Variants in FIG4 observed in about 807,000 individuals in gnomAD.
The protein encoded by FIG4 is FIG4 phosphoinositide 5-phosphatase, also known as polyphosphoinositide phosphatase.
Under a neutral mutation model 118.6 loss-of-function variants are expected in FIG4, and 112 were observed. That is an observed-to-expected ratio of 0.94 (90% CI 0.81 to 1.11). FIG4 has a LOEUF of 1.11. FIG4 is among the 50% of genes least tolerant of loss of function. FIG4 has a pLI of 0.00. For missense variants in FIG4, 969 were observed against 1,111.7 expected (o/e 0.87, Z 1.83); for synonymous variants, 369 against 381.2 (o/e 0.97, Z 0.37).
chr6:109,758,854 G>A (rs908065580), intron 10 of FIG4, among the ~76,000 whole-genome samples: 1 of 152,190 alleles, frequency 6.6e-6, no homozygotes, highest in African/African-American at 2.4e-5. Flanking sequence ...ATGAAAAAAG[G>A]CTCATCATCA....
intron 10 of FIG4, among the ~76,000 whole-genome samples, chr6:109,759,397 C>A (rs1056120960): frequency 9.9e-5 from 15 of 152,152 alleles, no homozygotes; most frequent in Admixed American, 2.6e-4. Flanking sequence ...GCACATGTAT[C>A]CCATAACTTA....
intron 4 of FIG4, 41 bp from the exon 5 acceptor site, chr6:109,732,596 G>A (rs1776035855): frequency 1.0e-6 from 1 of 990,710 alleles, no homozygotes; most frequent in Non-Finnish European, 1.6e-6. Context: ...AGAAATAATA[G>A]TATTGGACAA....
chr6:109,741,303 C>A, intron 7 of FIG4, 141 bp from the exon 8 acceptor site: 1 of 748,682 alleles, frequency 1.3e-6, no homozygotes. Context: ...AGATCAAGTG[C>A]TGTTCCATTC....
chr6:109,796,513 A>G lies in FIG4; in HGVS notation c.2460-252A>G, dbSNP rs72944977. On this transcript the variant is annotated intron_variant, in intron 21 of 22. Coordinates refer to ENST00000230124, the MANE Select transcript of FIG4 (RefSeq NM_014845.6). ...CCATGTTTAAATTAATAGAAGTTCA[A>G]TGGCATGCACATTTGATTTCATTCT... 0.071 allele frequency among the ~76,000 whole-genome samples: 10,852 copies of G among 152,298 alleles called. 434 individuals are homozygous for G. The highest frequency in any genetic ancestry group is 0.16 in the South Asian group (774 of 4,824).
At chr6:109,819,417 T>A (rs1385101420) in intron 22 of FIG4, among the ~76,000 whole-genome samples, 3 of 152,330 alleles carry the variant, frequency 2.0e-5, no homozygotes, top group Admixed American at 2.0e-4. Flanking sequence ...TTTTGGTTAT[T>A]ATAGCTTTTG....
chr6:109,821,405 A>C (rs1779002375), intron 22 of FIG4, among the ~76,000 whole-genome samples: 1 of 152,236 alleles, frequency 6.6e-6, no homozygotes. Context: ...CTCATCATAG[A>C]ATTATAAAGA....
chr6:109,743,282 G>A lies in FIG4; in HGVS notation c.1039+10G>A, dbSNP rs1476566698. The A allele has an allele frequency of 1.2e-6, 2 of 1,610,968 alleles. No individual in the cohort carries two copies. Among genetic ancestry groups the A allele is most frequent in the African/African-American group, 1.3e-5 (1 of 74,766 alleles). On this transcript the variant is annotated intron_variant, in intron 9 of 22. Coordinates refer to ENST00000230124, the MANE Select transcript of FIG4 (RefSeq NM_014845.6). ...AAACCACCTATTACATGTGTGTGGA[G>A]CCATGTTTTTAATAATAACTCCTGT...
intron 22 of FIG4, among the ~76,000 whole-genome samples, chr6:109,813,251 C>CCT (rs774376025): frequency 6.6e-6 from 1 of 151,864 alleles, no homozygotes; most frequent in Admixed American, 6.6e-5. Context: ...GGCCTGATAT[C>CCT]CTCTCTCTCT....
chr6:109,738,219 A>G, intron 6 of FIG4, 106 bp from the exon 7 acceptor site: 2 of 918,984 alleles, frequency 2.2e-6, no homozygotes, highest in Non-Finnish European at 3.5e-6. Flanking sequence ...CTTAAAAATG[A>G]GTTGAATGTC....
At chr6:109,822,282 G>A (rs1779026587) in intron 22 of FIG4, among the ~76,000 whole-genome samples, 1 of 152,066 alleles carries the variant, frequency 6.6e-6, no homozygotes. Flanking sequence ...CAGAATTTCT[G>A]TTTGTTTACC....
chr6:109,822,755 GT>G (rs200803639), intron 22 of FIG4, among the ~76,000 whole-genome samples: 1,813 of 140,622 alleles, frequency 0.013, 52 homozygotes, highest in African/African-American at 0.046. Flanking sequence ...GGTGGGGATG[GT>G]TGAAGTGTAT....
At chr6:109,778,180 G>C (rs1426305232) in intron 16 of FIG4, among the ~76,000 whole-genome samples, 2 of 152,004 alleles carry the variant, frequency 1.3e-5, no homozygotes, top group African/African-American at 4.8e-5. Flanking sequence ...TACCTACCAG[G>C]CCGGGCGTGG....
intron 10 of FIG4, among the ~76,000 whole-genome samples, chr6:109,748,535 T>C (rs1227166795): frequency 6.6e-6 from 1 of 151,978 alleles, no homozygotes; most frequent in Non-Finnish European, 1.5e-5. Flanking sequence ...TGATAATGAA[T>C]TGGTGTAAGA....
chr6:109,789,344 G>A (rs980018792), intron 18 of FIG4, among the ~76,000 whole-genome samples: 1 of 151,942 alleles, frequency 6.6e-6, no homozygotes, highest in African/African-American at 2.4e-5. Context: ...ATCTAGTGCT[G>A]TTAATTAATG....
Position 109,704,541 on chromosome 6 carries a change from G to A in FIG4, c.67-10537G>A, listed in dbSNP as rs112147031. On this transcript the variant is annotated intron_variant, in intron 1 of 22. Coordinates refer to ENST00000230124, the MANE Select transcript of FIG4 (RefSeq NM_014845.6). The stretch of plus-strand genomic sequence containing the variant: ...AAATTAGCCACGTGTCATGGTGCAC[G>A]TCTGTAATCCCAGCTACTTGGGAGG... Among the ~76,000 whole-genome samples the A allele has an allele frequency of 3.4e-3, 512 of 152,104 alleles. 2 individuals are homozygous for A. Among genetic ancestry groups the A allele is most frequent in the Non-Finnish European group, 6.1e-3 (416 of 67,980 alleles).
At chr6:109,816,211 C>T (rs1427684774) in intron 22 of FIG4, among the ~76,000 whole-genome samples, 4 of 152,166 alleles carry the variant, frequency 2.6e-5, no homozygotes, top group Non-Finnish European at 4.4e-5. Flanking sequence ...CTGGGCAGAG[C>T]ACCCCTGACT....
Position 109,743,771 on chromosome 6 carries a change from A to C in FIG4, c.1136A>C (p.Lys379Thr), listed in dbSNP as rs1395556597. Residue 379 changes from lysine to threonine, a missense_variant and splice_region_variant, in exon 10 of 23, where the codon AAG (lysine) becomes ACG (threonine). Transcript: ENST00000230124. ...CCCATCATCATCTTGAATTTAGTGA[A>C]GGTATGATGTGCTCATCTGTTTGGT... ...GSPIIILNLV[K>T]EREKRKHERI... The C allele has an allele frequency of 6.2e-7, 1 of 1,604,568 alleles. No homozygotes were observed. The highest frequency in any genetic ancestry group is 8.5e-7 in the Non-Finnish European group (1 of 1,171,758).
At chr6:109,788,192 C>A (rs561997836) in intron 18 of FIG4, among the ~76,000 whole-genome samples, 22 of 152,220 alleles carry the variant, frequency 1.4e-4, no homozygotes, top group African/African-American at 5.1e-4. Context: ...CAGGATGTAA[C>A]CCCCATTCTA....
chr6:109,730,137 C>T lies in FIG4; in HGVS notation c.447-2500C>T, dbSNP rs116631769. ...AATCTTGGCTCACTGCAGCTTTGAA[C>T]TCCTGGGCTCAAGTGGTCCTCCCAC... On this transcript the variant is annotated intron_variant, in intron 4 of 22. Transcript: ENST00000230124. Among the ~76,000 whole-genome samples the T allele has an allele frequency of 3.0e-3, 452 of 152,096 alleles. 3 individuals carry two copies. Among genetic ancestry groups the T allele is most frequent in the African/African-American group, 0.011 (437 of 41,494 alleles).
Sources: allele counts gnomAD v4.1 joint callset (sites outside exome capture counted in the v4.1 genomes callset), GRCh38; gene constraint gnomAD v4.1.1; transcripts MANE v1.5; gene names NCBI Gene and HGNC (gene_info 2026-07-23, HGNC 2026-07-21).